Variants in ANKS1B observed in about 807,000 individuals in gnomAD.
ANKS1B encodes the protein ankyrin repeat and sterile alpha motif domain-containing protein 1B.
A neutral mutation model predicts 148.3 loss-of-function variants in ANKS1B; 36 were observed. The ratio of observed to expected loss-of-function variants is 0.24; its 90% CI spans 0.19 to 0.32. ANKS1B has a LOEUF of 0.32. ANKS1B is among the 10% of genes least tolerant of loss of function. ANKS1B has a pLI of 1.00. For missense variants in ANKS1B, 1,157 were observed against 1,542.6 expected (o/e 0.75, Z 4.19); for synonymous variants, 542 against 560.8 (o/e 0.97, Z 0.47).
chr12:99,933,641 G>T (rs1470240740), intron 1 of ANKS1B, among the ~76,000 whole-genome samples: 1 of 152,000 alleles, frequency 6.6e-6, no homozygotes, highest in Non-Finnish European at 1.5e-5. Context: ...GTTTTTTGGT[G>T]GGGGCTTCAG....
rs565634720 is a variant in ANKS1B, at chr12:98,884,768, C to T, written c.2779-52632G>A. 3.7e-4 allele frequency among the ~76,000 whole-genome samples: 54 copies of T among 145,100 alleles called. No individual in the cohort carries two copies. The South Asian group carries it at 9.9e-3, about 27-fold the overall frequency. ...GAGCTGAGATTGCGCCACTGCAGTC[C>T]GCAGTCCGACCTGGGCGACAGAGCG... is the stretch of plus-strand genomic sequence containing the variant. On this transcript the variant is annotated intron_variant, in intron 17 of 26. Transcript: ENST00000683438.
At chr12:99,087,353 C>T (rs2052267759) in intron 15 of ANKS1B, among the ~76,000 whole-genome samples, 1 of 152,114 alleles carries the variant, frequency 6.6e-6, no homozygotes, top group Non-Finnish European at 1.5e-5. Context: ...AAGCATTCCA[C>T]CTACTCATAG....
chr12:99,643,358 ATGATATGACAAG>A (rs1297106090), intron 9 of ANKS1B, among the ~76,000 whole-genome samples: 2 of 152,214 alleles, frequency 1.3e-5, no homozygotes, highest in Non-Finnish European at 2.9e-5. Flanking sequence ...CTAAAATTCA[ATGATATGACAAG>A]TGTAGCGAAA....
intron 14 of ANKS1B, among the ~76,000 whole-genome samples, chr12:99,232,525 G>A (rs1166397888): frequency 2.0e-5 from 3 of 152,184 alleles, no homozygotes; most frequent in South Asian, 2.1e-4. Flanking sequence ...TGACAAGCAC[G>A]TCCCGTGGAG....
At chr12:99,750,357 A>G (rs957698731) in intron 8 of ANKS1B, among the ~76,000 whole-genome samples, 5 of 152,126 alleles carry the variant, frequency 3.3e-5, no homozygotes, top group African/African-American at 1.2e-4. Flanking sequence ...GTTGCTATAT[A>G]AACATATTTC....
At chr12:99,424,291 G>A (rs1336316706) in intron 11 of ANKS1B, among the ~76,000 whole-genome samples, 2 of 151,874 alleles carry the variant, frequency 1.3e-5, no homozygotes, top group Non-Finnish European at 2.9e-5. Context: ...GGCCATGAAG[G>A]ATTGAAAGAT....
intron 26 of ANKS1B, among the ~76,000 whole-genome samples, chr12:98,747,415 G>A (rs998528897): frequency 2.0e-5 from 3 of 152,084 alleles, no homozygotes; most frequent in Non-Finnish European, 2.9e-5. Context: ...TCTCACCCCC[G>A]CTACTATTGA....
intron 17 of ANKS1B, among the ~76,000 whole-genome samples, chr12:98,922,696 A>G (rs994513864): frequency 6.6e-5 from 10 of 151,946 alleles, no homozygotes; most frequent in Non-Finnish European, 1.2e-4. Context: ...ATGGGGTTTC[A>G]CCATGTTGGC....
intron 4 of ANKS1B, among the ~76,000 whole-genome samples, chr12:99,786,649 T>C (rs1567847342): frequency 6.6e-6 from 1 of 152,162 alleles, no homozygotes; most frequent in Non-Finnish European, 1.5e-5. Context: ...ACAATCTCTA[T>C]GAACTCCAGA....
In ANKS1B at chr12:99,778,880, T is replaced by C. The variant is rs187268246; in HGVS notation, c.847+991A>G. On this transcript the variant is annotated intron_variant, in intron 6 of 26. Coordinates refer to ENST00000683438, the MANE Select transcript of ANKS1B (RefSeq NM_001352186.2). ...TGTTCCCTGCCTGACTTGGTTTTAA[T>C]TCATTTATCTCCCTGCAAAACAATG... Among the ~76,000 whole-genome samples, 17 of 152,326 alleles carry C rather than the reference T, an allele frequency of 1.1e-4. No individual in the cohort carries two copies. In the East Asian group the frequency reaches 1.4e-3, roughly 12 times the overall value.
chr12:98,815,529 C>G (rs1467362882), intron 19 of ANKS1B, among the ~76,000 whole-genome samples: 1 of 152,188 alleles, frequency 6.6e-6, no homozygotes, highest in Non-Finnish European at 1.5e-5. Flanking sequence ...TCCCTAAATT[C>G]AAGACTTGGA....
At chr12:99,554,437 A>C (rs958633770) in intron 9 of ANKS1B, among the ~76,000 whole-genome samples, 1 of 152,168 alleles carries the variant, frequency 6.6e-6, no homozygotes, top group African/African-American at 2.4e-5. Context: ...TTGCTCCACA[A>C]ACTTGGGGGT....
At chr12:99,463,962 G>C (rs2096044809) in intron 10 of ANKS1B, among the ~76,000 whole-genome samples, 1 of 152,202 alleles carries the variant, frequency 6.6e-6, no homozygotes, top group South Asian at 2.1e-4. Context: ...CGCAGCTGCA[G>C]ATCTGAGAAG....
At chr12:99,521,884 C>T (rs117632536) in intron 9 of ANKS1B, among the ~76,000 whole-genome samples, 6,113 of 152,258 alleles carry the variant, frequency 0.04, 167 homozygotes, top group Middle Eastern at 0.058. Context: ...CACTTTCTGG[C>T]TACCACCTCT....
intron 10 of ANKS1B, among the ~76,000 whole-genome samples, chr12:99,472,475 G>A (rs576221203): frequency 6.6e-6 from 1 of 152,204 alleles, no homozygotes; most frequent in South Asian, 2.1e-4. Context: ...ATACATGCAA[G>A]ATACTATATC....
At chr12:99,914,695 G>T (rs907754376) in intron 1 of ANKS1B, among the ~76,000 whole-genome samples, 1 of 152,032 alleles carries the variant, frequency 6.6e-6, no homozygotes, top group Non-Finnish European at 1.5e-5. Flanking sequence ...AAAGGGGGAG[G>T]GTGGTGATGC....
At chr12:99,257,898 A>T (rs1246458292) in intron 12 of ANKS1B, among the ~76,000 whole-genome samples, 1 of 152,114 alleles carries the variant, frequency 6.6e-6, no homozygotes, top group African/African-American at 2.4e-5. Flanking sequence ...TCCCATCTGC[A>T]CTCAGAACAA....
At chr12:99,960,054 TTTA>T (rs1280554731) in intron 1 of ANKS1B, among the ~76,000 whole-genome samples, 3 of 152,188 alleles carry the variant, frequency 2.0e-5, no homozygotes, top group Non-Finnish European at 4.4e-5. Context: ...AAATGAGCAC[TTTA>T]TTTGCAAAAA....
At chr12:99,527,216 G>A (rs929733075) in intron 9 of ANKS1B, among the ~76,000 whole-genome samples, 4 of 151,886 alleles carry the variant, frequency 2.6e-5, no homozygotes, top group Non-Finnish European at 4.4e-5. Flanking sequence ...AAAAAAAACA[G>A]TAAAAGGTAC....
Sources: allele counts gnomAD v4.1 joint callset (sites outside exome capture counted in the v4.1 genomes callset), GRCh38; gene constraint gnomAD v4.1.1; transcripts MANE v1.5; gene names NCBI Gene and HGNC (gene_info 2026-07-23, HGNC 2026-07-21).